TMEFF2: variants seen among roughly 807,000 people sequenced by gnomAD.
The protein encoded by TMEFF2 is transmembrane protein with EGF like and two follistatin like domains 2.
TMEFF2 carries 28 observed loss-of-function variants against 53.8 expected under a neutral mutation model. The observed-to-expected ratio is 0.52, with a 90% confidence interval of 0.39 to 0.71. The LOEUF (loss-of-function observed/expected upper bound fraction) is 0.71, where lower values mean the gene tolerates loss of function less well. TMEFF2 is among the 30% of genes least tolerant of loss of function. The pLI is 0.00. For missense variants in TMEFF2, 353 were observed against 455.2 expected (o/e 0.78, Z 2.04); for synonymous variants, 162 against 166.3 (o/e 0.97, Z 0.20).
At chr2:192,078,634 G>A (rs1688485960) in intron 4 of TMEFF2, among the ~76,000 whole-genome samples, 1 of 152,132 alleles carries the variant, frequency 6.6e-6, no homozygotes. Flanking sequence ...AAAGGACCCT[G>A]ATTAGCTCTT....
At chr2:192,174,203 A>G (rs758047788) in intron 4 of TMEFF2, among the ~76,000 whole-genome samples, 2 of 151,788 alleles carry the variant, frequency 1.3e-5, no homozygotes, top group African/African-American at 2.4e-5. Flanking sequence ...AAAAACCCAT[A>G]TGGATGATTC....
At chr2:192,039,610 C>T (rs1687424442) in intron 5 of TMEFF2, among the ~76,000 whole-genome samples, 5 of 151,976 alleles carry the variant, frequency 3.3e-5, no homozygotes, top group Admixed American at 3.3e-4. Context: ...TGCCACAAAC[C>T]AAGTCATCTA....
rs940055894 is a variant in TMEFF2, at chr2:191,949,783, C to CAAAG, written c.*524_*527dup. The stretch of plus-strand genomic sequence containing the variant: ...GAAAGTTGATGAAATAGAGATGATT[C>CAAAG]AAAGATCGGAAATATTTTATCCTCA... On this transcript the variant is annotated 3_prime_UTR_variant, in exon 10 of 10. Coordinates refer to ENST00000272771, the MANE Select transcript of TMEFF2 (RefSeq NM_016192.4). The CAAAG allele has an allele frequency of 1.0e-5, 10 of 985,152 alleles. No individual in the cohort carries two copies. The highest frequency in any genetic ancestry group is 1.1e-4 in the East Asian group (1 of 8,810). The allele number at this position is 985,152 out of a possible 1,614,324, so 61.0% of individuals were successfully genotyped here.
intron 5 of TMEFF2, among the ~76,000 whole-genome samples, chr2:192,026,885 A>C (rs1452936655): frequency 6.6e-6 from 1 of 152,216 alleles, no homozygotes; most frequent in Non-Finnish European, 1.5e-5. Flanking sequence ...GGGAAGCATT[A>C]TTTGCTCACA....
chr2:192,068,065 A>G (rs10931519), intron 4 of TMEFF2, among the ~76,000 whole-genome samples: 72,631 of 151,706 alleles, frequency 0.48, 18,305 homozygotes, highest in Admixed American at 0.6. Flanking sequence ...AATGCGAAAA[A>G]AAGTAGAGTT....
chr2:192,193,805 G>T (rs947309646), intron 1 of TMEFF2, among the ~76,000 whole-genome samples: 56 of 146,238 alleles, frequency 3.8e-4, no homozygotes, highest in African/African-American at 1.2e-3. Context: ...GAGAGAGAGA[G>T]AGAAATTCTA....
intron 5 of TMEFF2, among the ~76,000 whole-genome samples, chr2:192,010,719 C>G (rs559665163): frequency 6.6e-6 from 1 of 152,164 alleles, no homozygotes; most frequent in Non-Finnish European, 1.5e-5. Context: ...ATTCATAAAA[C>G]AGAGTCATCA....
At chr2:192,183,601 C>T (rs1417431600) in intron 3 of TMEFF2, among the ~76,000 whole-genome samples, 1 of 152,062 alleles carries the variant, frequency 6.6e-6, no homozygotes, top group African/African-American at 2.4e-5. Flanking sequence ...ACAGCCTCTA[C>T]AATATATGTG....
chr2:192,047,384 A>G (rs941626912), intron 5 of TMEFF2, among the ~76,000 whole-genome samples: 7 of 152,228 alleles, frequency 4.6e-5, no homozygotes, highest in African/African-American at 1.7e-4. Context: ...ATGGCTTGTT[A>G]GAACCTACCA....
At chr2:192,023,411 C>T (rs2105863217) in intron 5 of TMEFF2, among the ~76,000 whole-genome samples, 1 of 152,182 alleles carries the variant, frequency 6.6e-6, no homozygotes, top group South Asian at 2.1e-4. Flanking sequence ...GTAATTTCTG[C>T]CTGAGTTTTG....
chr2:192,145,733 T>C (rs980344386), intron 4 of TMEFF2, among the ~76,000 whole-genome samples: 2 of 151,986 alleles, frequency 1.3e-5, no homozygotes, highest in African/African-American at 4.8e-5. Flanking sequence ...CACGCAGTCT[T>C]GGGAAAGTTA....
chr2:192,013,256 A>G (rs1392478172), intron 5 of TMEFF2, among the ~76,000 whole-genome samples: 1 of 152,040 alleles, frequency 6.6e-6, no homozygotes, highest in Non-Finnish European at 1.5e-5. Context: ...CCGTGCTCCA[A>G]CCACACTAGA....
intron 3 of TMEFF2, among the ~76,000 whole-genome samples, chr2:192,180,919 T>C (rs1559160558): frequency 6.6e-6 from 1 of 151,794 alleles, no homozygotes; most frequent in Non-Finnish European, 1.5e-5. Context: ...CTAATACTAT[T>C]ATATTAGAAT....
At chr2:191,964,873 G>T (rs186022053) in intron 7 of TMEFF2, among the ~76,000 whole-genome samples, 55 of 152,190 alleles carry the variant, frequency 3.6e-4, no homozygotes, top group African/African-American at 1.2e-3. Flanking sequence ...CACTACAGCT[G>T]ACCACATCCT....
At chr2:192,192,106 G>T in intron 1 of TMEFF2, 117 bp from the exon 2 acceptor site, 1 of 662,794 alleles carries the variant, frequency 1.5e-6, no homozygotes. Flanking sequence ...AACAACTATA[G>T]CTGTACTGCA....
At chr2:192,013,646 C>A (rs142849114) in intron 5 of TMEFF2, among the ~76,000 whole-genome samples, 2 of 152,132 alleles carry the variant, frequency 1.3e-5, no homozygotes, top group East Asian at 3.9e-4. Context: ...GACAGGGTTT[C>A]GCTATGTTGA....
At chr2:192,108,125 A>T (rs966667315) in intron 4 of TMEFF2, among the ~76,000 whole-genome samples, 6 of 151,858 alleles carry the variant, frequency 4.0e-5, no homozygotes, top group East Asian at 1.9e-4. Context: ...TCAATTTTTT[A>T]AAAAACTTAT....
intron 4 of TMEFF2, among the ~76,000 whole-genome samples, chr2:192,074,545 A>G (rs920673857): frequency 6.6e-6 from 1 of 151,952 alleles, no homozygotes. Context: ...TAAAAAATGG[A>G]AATCAAATGT....
intron 4 of TMEFF2, among the ~76,000 whole-genome samples, chr2:192,127,956 T>C (rs1483634041): frequency 6.6e-6 from 1 of 152,172 alleles, no homozygotes; most frequent in African/African-American, 2.4e-5. Flanking sequence ...TTGAGATATG[T>C]AGTTCTGGGC....
Sources: allele counts gnomAD v4.1 joint callset (sites outside exome capture counted in the v4.1 genomes callset), GRCh38; gene constraint gnomAD v4.1.1; transcripts MANE v1.5; gene names NCBI Gene and HGNC (gene_info 2026-07-23, HGNC 2026-07-21).